The following GALNT18 variants were observed in gnomAD, a reference collection of about 807,000 sequenced individuals.
GALNT18 encodes GalNAc-transferase 18.
Under a neutral mutation model 69.5 loss-of-function variants are expected in GALNT18, and 44 were observed. The ratio of observed to expected loss-of-function variants is 0.63; its 90% CI spans 0.50 to 0.81. The LOEUF is 0.81. Among genes scored for constraint, GALNT18 ranks in the 40% least tolerant of loss-of-function variants. The pLI is 0.00. For synonymous variants in GALNT18, 364 were observed against 318.2 expected (o/e 1.14, Z -1.53); for missense variants, 715 against 810.0 (o/e 0.88, Z 1.42).
chr11:11,520,740 T>C lies in GALNT18; in HGVS notation c.236-71804A>G, dbSNP rs181590418. Among the ~76,000 whole-genome samples the C allele has an allele frequency of 3.5e-3, 539 of 152,292 alleles. 7 individuals are homozygous for C. Among genetic ancestry groups the C allele is most frequent in the African/African-American group, 0.012 (501 of 41,562 alleles). On this transcript the variant is annotated intron_variant, in intron 1 of 10. Coordinates refer to ENST00000227756, the MANE Select transcript of GALNT18 (RefSeq NM_198516.3). ...TGGGAGGGTTAAAGATGGGGTGGCC[T>C]GCACAGCTGTCACAGGCTGGAGTGA...
At chr11:11,394,139 G>A (rs547015446) in intron 3 of GALNT18, among the ~76,000 whole-genome samples, 2 of 152,266 alleles carry the variant, frequency 1.3e-5, no homozygotes, top group South Asian at 4.1e-4. Context: ...AAAATACAGC[G>A]CAGGATGTGA....
At chr11:11,491,758 T>C (rs1856773698) in intron 1 of GALNT18, among the ~76,000 whole-genome samples, 1 of 152,190 alleles carries the variant, frequency 6.6e-6, no homozygotes, top group African/African-American at 2.4e-5. Context: ...GGCAGCAGAT[T>C]GGATGGACCA....
chr11:11,529,085 C>T (rs11021902), intron 1 of GALNT18, among the ~76,000 whole-genome samples: 34,872 of 152,130 alleles, frequency 0.23, 4,501 homozygotes, highest in Non-Finnish European at 0.27. Flanking sequence ...CAGGGGTTTA[C>T]CAAAAGTTCC....
rs375886387 is a variant in GALNT18, at chr11:11,515,115, C to T, written c.236-66179G>A. 2.6e-5 allele frequency among the ~76,000 whole-genome samples: 4 copies of T among 152,190 alleles called. No individual in the cohort carries two copies. In the East Asian group the frequency reaches 5.8e-4, roughly 22 times the overall value. On this transcript the variant is annotated intron_variant, in intron 1 of 10. Coordinates refer to ENST00000227756, the MANE Select transcript of GALNT18 (RefSeq NM_198516.3). The stretch of plus-strand genomic sequence containing the variant: ...CTGCGGGTCTTTGAGCAAGTCACTT[C>T]ACTTTTCTGTTGGCTCAGCTATGCA...
chr11:11,345,505 T>C (rs1172987028), intron 6 of GALNT18, among the ~76,000 whole-genome samples: 1 of 152,066 alleles, frequency 6.6e-6, no homozygotes, highest in Non-Finnish European at 1.5e-5. Context: ...AATGACATCA[T>C]GGAGCTTCTG....
intron 3 of GALNT18, among the ~76,000 whole-genome samples, chr11:11,393,172 G>C (rs1415116684): frequency 1.3e-5 from 2 of 152,190 alleles, no homozygotes; most frequent in Non-Finnish European, 2.9e-5. Flanking sequence ...TCTGGGTGTG[G>C]GGTGGGCCAG....
rs188404846 is a variant in GALNT18, at chr11:11,286,735, C to G, written c.1677+6294G>C. Among the ~76,000 whole-genome samples, 312 of 152,222 alleles carry G rather than the reference C, an allele frequency of 2.0e-3. 4 individuals carry two copies. The highest frequency in any genetic ancestry group is 7.1e-3 in the African/African-American group (296 of 41,500). ...CTGAAGTGTGAGACACAGTCCTGCC[C>G]TCTAGTCTGTTGGCTGATGGAAGAA... On this transcript the variant is annotated intron_variant, in intron 10 of 10. Transcript: ENST00000227756.
intron 9 of GALNT18, among the ~76,000 whole-genome samples, chr11:11,302,775 G>A (rs746264258): frequency 6.6e-6 from 1 of 152,208 alleles, no homozygotes; most frequent in African/African-American, 2.4e-5. Flanking sequence ...CATCGCACTC[G>A]GATATCTCAA....
intron 1 of GALNT18, among the ~76,000 whole-genome samples, chr11:11,490,841 C>T (rs995304277): frequency 1.3e-5 from 2 of 152,214 alleles, no homozygotes; most frequent in Admixed American, 6.5e-5. Context: ...AATGAAACTC[C>T]AACGCGGATT....
intron 1 of GALNT18, among the ~76,000 whole-genome samples, chr11:11,588,344 ATTTAGTGAGTACTG>A (rs1859274528): frequency 6.6e-6 from 1 of 152,180 alleles, no homozygotes; most frequent in Non-Finnish European, 1.5e-5. Context: ...AGAATCTGGC[ATTTAGTGAGTACTG>A]TTTAAATGTC....
chr11:11,472,452 G>C (rs1298621763), intron 1 of GALNT18, among the ~76,000 whole-genome samples: 1 of 152,224 alleles, frequency 6.6e-6, no homozygotes, highest in East Asian at 1.9e-4. Context: ...GAGAGAGGGA[G>C]GCAGAGAATA....
At chr11:11,274,566 T>C (rs868289164) in intron 10 of GALNT18, among the ~76,000 whole-genome samples, 6 of 152,236 alleles carry the variant, frequency 3.9e-5, no homozygotes, top group Non-Finnish European at 5.9e-5. Context: ...TTTTTATTAT[T>C]GTACTTTAAG....
intron 10 of GALNT18, among the ~76,000 whole-genome samples, chr11:11,285,132 A>G (rs1216235815): frequency 1.3e-5 from 2 of 151,800 alleles, no homozygotes; most frequent in African/African-American, 2.4e-5. Context: ...CAGTCCACAC[A>G]TATTTGCGAC....
chr11:11,619,074 T>C lies in GALNT18; in HGVS notation c.235+2285A>G, dbSNP rs754966243. On this transcript the variant is annotated intron_variant, in intron 1 of 10. Transcript: ENST00000227756. This position sits in a 1 kb window ranked among gnomAD's most constrained non-coding sequence, Gnocchi z 4.9. ...ATCCCAGCTCAGGATGGCCCCAGCA[T>C]GGCAAAGGGAACTGTTGGTCATTGC... 6.6e-6 allele frequency among the ~76,000 whole-genome samples: 1 copy of C among 152,160 alleles called. No individual in the cohort carries two copies. The highest frequency in any genetic ancestry group is 1.5e-5 in the Non-Finnish European group (1 of 68,032).
chr11:11,495,577 T>C (rs1272197989), intron 1 of GALNT18, among the ~76,000 whole-genome samples: 2 of 152,222 alleles, frequency 1.3e-5, no homozygotes, highest in Admixed American at 6.5e-5. Flanking sequence ...GAAGTAGTTA[T>C]GACAGAAAGT....
Position 11,617,486 on chromosome 11 carries a change from G to C in GALNT18, c.235+3873C>G, listed in dbSNP as rs1860084450. 6.6e-6 allele frequency among the ~76,000 whole-genome samples: 1 copy of C among 152,142 alleles called. No individual in the cohort carries two copies. The highest frequency in any genetic ancestry group is 1.5e-5 in the Non-Finnish European group (1 of 68,022). On this transcript the variant is annotated intron_variant, in intron 1 of 10. Transcript: ENST00000227756. The surrounding 1 kb of genome is among the most constrained non-coding windows in gnomAD (Gnocchi z 4.7). Reference sequence around the variant, plus strand: ...ATGTAGCAAATATGGAAAAAATAGTGCTTCGTTAACAAAAAGAAAGTGAAC... The same window carrying C: ...ATGTAGCAAATATGGAAAAAATAGTCCTTCGTTAACAAAAAGAAAGTGAAC...
In GALNT18 at chr11:11,614,437, A is replaced by G. The variant is rs1443848740; in HGVS notation, c.235+6922T>C. ...GGCTCTTTAAACAACCAGCTCTTGA[A>G]TGAACAAATACAGCAAGAACTCATT... On this transcript the variant is annotated intron_variant, in intron 1 of 10. Coordinates refer to ENST00000227756, the MANE Select transcript of GALNT18 (RefSeq NM_198516.3). The surrounding 1 kb of genome is among the most constrained non-coding windows in gnomAD (Gnocchi z 5.6). 6.6e-6 allele frequency among the ~76,000 whole-genome samples: 1 copy of G among 152,124 alleles called. No individual in the cohort carries two copies. Among genetic ancestry groups the G allele is most frequent in the Non-Finnish European group, 1.5e-5 (1 of 68,008 alleles).
Position 11,497,443 on chromosome 11 carries a change from T to C in GALNT18, c.236-48507A>G, listed in dbSNP as rs1171744828. Among the ~76,000 whole-genome samples the C allele has an allele frequency of 1.3e-5, 2 of 149,290 alleles. No individual in the cohort carries two copies. Among genetic ancestry groups the C allele is most frequent in the Non-Finnish European group, 3.0e-5 (2 of 67,504 alleles). On this transcript the variant is annotated intron_variant, in intron 1 of 10. Coordinates refer to ENST00000227756, the MANE Select transcript of GALNT18 (RefSeq NM_198516.3). This position sits in a 1 kb window ranked among gnomAD's most constrained non-coding sequence, Gnocchi z 4.2. ...GGAGCAAGACTTTATGGGTCCCTGC[T>C]CTTATGCAGGGCCTGTTCACCTGCA...
chr11:11,512,823 G>A (rs565860914), intron 1 of GALNT18, among the ~76,000 whole-genome samples: 12 of 152,256 alleles, frequency 7.9e-5, no homozygotes, highest in South Asian at 4.1e-4. Context: ...CAGGACACAC[G>A]GGTGCTGCCT....
Sources: gnomAD v4.1 joint callset for allele counts (sites outside exome capture counted in the v4.1 genomes callset) on GRCh38, gnomAD v4.1.1 for gene constraint, Gnocchi (gnomAD v3.1) non-coding constraint, MANE v1.5 for transcripts, NCBI Gene and HGNC (gene_info 2026-07-23, HGNC 2026-07-21) for gene names.